BRWD1: variants seen among roughly 807,000 people sequenced by gnomAD.
The protein encoded by BRWD1 is bromodomain and WD repeat domain containing 1.
BRWD1 carries 82 observed loss-of-function variants against 251.2 expected under a neutral mutation model. The ratio of observed to expected loss-of-function variants is 0.33; its 90% CI spans 0.27 to 0.39. The LOEUF is 0.39. BRWD1 is among the 10% of genes least tolerant of loss of function. The pLI is 1.00. For missense variants in BRWD1, 2,233 were observed against 2,711.6 expected (o/e 0.82, Z 3.92); for synonymous variants, 918 against 902.8 (o/e 1.02, Z -0.30).
At chr21:39,231,538 C>T (rs2033617019) in intron 25 of BRWD1, among the ~76,000 whole-genome samples, 1 of 152,120 alleles carries the variant, frequency 6.6e-6, no homozygotes, top group Non-Finnish European at 1.5e-5. Context: ...TATTTACAAG[C>T]ATTTCTGCTT....
chr21:39,310,205 G>A (rs1357548935), intron 4 of BRWD1, among the ~76,000 whole-genome samples: 1 of 152,120 alleles, frequency 6.6e-6, no homozygotes, highest in African/African-American at 2.4e-5. Context: ...AATATAGCAA[G>A]TTAGTAACTT....
chr21:39,190,397 G>A lies in BRWD1; in HGVS notation c.*5862C>T. Reference sequence around the variant, plus strand: ...GAGCATTTAAAACAGATTTGAGAATGAGAAAAGAATGTCTGACTCAAAATG... The same window carrying A: ...GAGCATTTAAAACAGATTTGAGAATAAGAAAAGAATGTCTGACTCAAAATG... On this transcript the variant is annotated 3_prime_UTR_variant, in exon 41 of 41. Transcript: ENST00000342449. 4.1e-6 allele frequency: 4 copies of A among 985,312 alleles called. No homozygotes were observed. The highest frequency in any genetic ancestry group is 4.8e-6 in the Non-Finnish European group (4 of 829,862). 61.0% of individuals were successfully genotyped at this position (985,312 alleles called of 1,614,324 possible).
At chr21:39,313,357 C>CCGG in intron 1 of BRWD1, 58 bp from the exon 2 acceptor site, 2 of 1,473,530 alleles carry the variant, frequency 1.4e-6, no homozygotes, top group Non-Finnish European at 1.8e-6. Flanking sequence ...GGGACGGGGC[C>CCGG]AGGGGAGCCG....
chr21:39,314,741 A>G (rs1041158602), upstream of BRWD1: 2 of 214,884 alleles, frequency 9.3e-6, no homozygotes, highest in Non-Finnish European at 1.9e-5. Flanking sequence ...CCTACACACC[A>G]CATAGACGTT....
intron 15 of BRWD1, among the ~76,000 whole-genome samples, chr21:39,267,992 A>G (rs1356301154): frequency 6.6e-6 from 1 of 152,238 alleles, no homozygotes; most frequent in Non-Finnish European, 1.5e-5. Flanking sequence ...TCCTGCACAC[A>G]GCAGGTAGCC....
At chr21:39,209,697 T>C (rs561475291) in intron 36 of BRWD1, 2 of 211,752 alleles carry the variant, frequency 9.4e-6, no homozygotes, top group Non-Finnish European at 9.4e-6. Flanking sequence ...ACAGAGACTC[T>C]TACTCTGTGT....
At chr21:39,218,781 G>T in intron 29 of BRWD1, 121 bp from the exon 30 acceptor site, 1 of 743,700 alleles carries the variant, frequency 1.3e-6, no homozygotes, top group Non-Finnish European at 1.9e-6. Context: ...CAAAAATAGA[G>T]TTCAAATGTG....
At chr21:39,184,339 T>C (rs1206655161), downstream of BRWD1, 11 of 152,270 alleles carry the variant, frequency 7.2e-5, no homozygotes, top group Admixed American at 6.5e-4. Flanking sequence ...TAGCCTTTAA[T>C]AAGCAGAATG....
chr21:39,211,577 C>T (rs190326222), intron 34 of BRWD1, among the ~76,000 whole-genome samples: 1 of 152,176 alleles, frequency 6.6e-6, no homozygotes, highest in East Asian at 1.9e-4. Context: ...GAGCTTCTGG[C>T]CACACCAAGA....
chr21:39,244,173 T>G (rs2034099845), intron 21 of BRWD1, among the ~76,000 whole-genome samples: 1 of 152,064 alleles, frequency 6.6e-6, no homozygotes, highest in South Asian at 2.1e-4. Flanking sequence ...AATGCCATTC[T>G]CCTGCCTCAG....
Position 39,196,166 on chromosome 21 carries a change from C to T in BRWD1, c.*93G>A. 6.8e-7 allele frequency: 1 copy of T among 1,480,636 alleles called. No homozygotes were observed. The highest frequency in any genetic ancestry group is 8.9e-7 in the Non-Finnish European group (1 of 1,122,468). 91.7% of individuals were successfully genotyped at this position (1,480,636 alleles called of 1,614,324 possible). ...TCATAGAAAAATATAAATATATTCCCTGAATTGTAAGACAAAAAAATAATT... is the reference window on the plus strand; with the variant it reads ...TCATAGAAAAATATAAATATATTCCTTGAATTGTAAGACAAAAAAATAATT... On this transcript the variant is annotated 3_prime_UTR_variant, in exon 41 of 41. Coordinates refer to ENST00000342449, the MANE Select transcript of BRWD1 (RefSeq NM_033656.4).
Position 39,296,306 on chromosome 21 carries a change from G to A in BRWD1, c.407C>T (p.Pro136Leu). 3.1e-6 allele frequency: 5 copies of A among 1,601,894 alleles called. No individual in the cohort carries two copies. The highest frequency in any genetic ancestry group is 4.3e-6 in the Non-Finnish European group (5 of 1,175,286). The part of the protein sequence containing the change: ...SAFAALHRGR[P>L]PEMPVNYGSP... Reference sequence around the variant, plus strand: ...ACCATAATTCACTGGCATTTCAGGAGGTCTTCCTCTATGAAGAGCAGCAAA... The same window carrying A: ...ACCATAATTCACTGGCATTTCAGGAAGTCTTCCTCTATGAAGAGCAGCAAA... The change falls in exon 6 of 41, where the codon CCT becomes CTT. Residue 136 changes from proline to leucine, a missense_variant. Around this residue, in one of 12 missense-constraint regions of BRWD1, gnomAD observed 185 missense variants for 260.6 expected, o/e 0.71. Coordinates refer to ENST00000342449, the MANE Select transcript of BRWD1 (RefSeq NM_033656.4).
At chr21:39,212,495 T>C (rs1057179640) in intron 34 of BRWD1, among the ~76,000 whole-genome samples, 171 bp downstream of exon 34, 7 of 152,162 alleles carry the variant, frequency 4.6e-5, no homozygotes, top group African/African-American at 9.7e-5. Flanking sequence ...GATAATACAG[T>C]ACAAATTCCA....
chr21:39,229,868 G>A (rs2033540348), intron 25 of BRWD1, among the ~76,000 whole-genome samples: 1 of 151,864 alleles, frequency 6.6e-6, no homozygotes, highest in African/African-American at 2.4e-5. Context: ...CGAGTACCTG[G>A]GACTGACTAC....
At chr21:39,199,759 G>A in intron 39 of BRWD1, 97 bp from the exon 40 acceptor site, 1 of 1,230,372 alleles carries the variant, frequency 8.1e-7, no homozygotes. Flanking sequence ...TTTTTTGGGG[G>A]GCGGGGAGGA....
chr21:39,260,129 A>C (rs2146640105), intron 17 of BRWD1, among the ~76,000 whole-genome samples: 2 of 152,326 alleles, frequency 1.3e-5, no homozygotes, highest in South Asian at 2.1e-4. Flanking sequence ...AGTCTCAAAA[A>C]ATGAGTTGAA....
At position 39,192,486 on chromosome 21, in the gene BRWD1, G is replaced by A. The variant is rs866841149; in HGVS notation, c.*3773C>T. On this transcript the variant is annotated 3_prime_UTR_variant, in exon 41 of 41. Transcript: ENST00000342449. Reference sequence around the variant, plus strand: ...TGATATCCACAGCAGAAATTCAGAGGTATAACTTCAACATTAACAGGTGAA... The same window carrying A: ...TGATATCCACAGCAGAAATTCAGAGATATAACTTCAACATTAACAGGTGAA... 14 of 985,142 alleles carry A rather than the reference G, an allele frequency of 1.4e-5. No individual in the cohort carries two copies. The highest frequency in any genetic ancestry group is 1.0e-3 in the Middle Eastern group (2 of 1,914). 61.0% of individuals were successfully genotyped at this position (985,142 alleles called of 1,614,324 possible).
At chr21:39,320,083 CTG>C (rs1212771596) in intron 1 of BRWD1, among the ~76,000 whole-genome samples, 3 of 152,206 alleles carry the variant, frequency 2.0e-5, no homozygotes, top group African/African-American at 7.2e-5. Context: ...GGAAAGATGA[CTG>C]TGCAGTAAAG....
intron 4 of BRWD1, 65 bp from the exon 5 acceptor site, chr21:39,298,647 G>A: frequency 7.6e-7 from 1 of 1,324,128 alleles, no homozygotes; most frequent in East Asian, 2.6e-5. Context: ...AATACTTAGG[G>A]ATAAGTCTGG....
Sources: allele counts gnomAD v4.1 joint callset (sites outside exome capture counted in the v4.1 genomes callset), GRCh38; gene constraint gnomAD v4.1.1; regional missense constraint gnomAD v4.1.1; transcripts MANE v1.5; gene names NCBI Gene and HGNC (gene_info 2026-07-23, HGNC 2026-07-21).